Variants in TMEM178A observed in about 807,000 individuals in gnomAD.
The protein encoded by TMEM178A is transmembrane protein 178.
A neutral mutation model predicts 29.1 loss-of-function variants in TMEM178A; 12 were observed. That is an observed-to-expected ratio of 0.41 (90% confidence interval 0.26 to 0.67). The LOEUF (loss-of-function observed/expected upper bound fraction) is 0.67, where lower values mean the gene tolerates loss of function less well. TMEM178A is among the 30% of genes least tolerant of loss of function. The pLI is 0.29. For synonymous variants in TMEM178A, 210 were observed against 187.2 expected (o/e 1.12, Z -0.99); for missense variants, 366 against 419.1 (o/e 0.87, Z 1.11).
chr2:39,698,789 G>A (rs1671662461), intron 1 of TMEM178A, among the ~76,000 whole-genome samples: 1 of 151,882 alleles, frequency 6.6e-6, no homozygotes, highest in Admixed American at 6.6e-5. Flanking sequence ...TCTGGTCATG[G>A]AATTTTCTTT....
intron 1 of TMEM178A, among the ~76,000 whole-genome samples, chr2:39,673,054 A>G (rs1247251185): frequency 2.0e-5 from 3 of 152,248 alleles, no homozygotes; most frequent in Non-Finnish European, 4.4e-5. Context: ...TGTGCTCCAG[A>G]TAATCAGCTT....
intron 3 of TMEM178A, among the ~76,000 whole-genome samples, chr2:39,713,834 T>C (rs1156809110): frequency 6.6e-6 from 1 of 152,250 alleles, no homozygotes; most frequent in African/African-American, 2.4e-5. Context: ...AATCCAGCTA[T>C]AGTAAGAATG....
At chr2:39,733,617 T>C in the TMEM178A span, among the ~76,000 whole-genome samples, 1 of 152,210 alleles carries the variant, frequency 6.6e-6, no homozygotes, top group African/African-American at 2.4e-5. Context: ...CTTACATATT[T>C]ATTAGGAATA....
chr2:39,732,353 G>A, the TMEM178A span, among the ~76,000 whole-genome samples: 1 of 152,180 alleles, frequency 6.6e-6, no homozygotes, highest in African/African-American at 2.4e-5. Context: ...GAGTGTGGCA[G>A]GAAGCACACT....
intron 1 of TMEM178A, among the ~76,000 whole-genome samples, chr2:39,671,857 T>A (rs1670421905): frequency 6.6e-6 from 1 of 152,144 alleles, no homozygotes; most frequent in Non-Finnish European, 1.5e-5. Flanking sequence ...GGAGGAGGGA[T>A]TTTTCCTATC....
chr2:39,711,689 A>G (rs1672308830), intron 3 of TMEM178A, among the ~76,000 whole-genome samples: 1 of 152,148 alleles, frequency 6.6e-6, no homozygotes, highest in African/African-American at 2.4e-5. Flanking sequence ...GGTGTATTGA[A>G]TTATCTAGAT....
chr2:39,677,900 A>T (rs557794334), intron 1 of TMEM178A, among the ~76,000 whole-genome samples: 4 of 152,118 alleles, frequency 2.6e-5, no homozygotes, highest in African/African-American at 9.7e-5. Flanking sequence ...TAAAGCCACA[A>T]GGTATGTGGG....
chr2:39,681,937 A>G (rs1050408818), intron 1 of TMEM178A, among the ~76,000 whole-genome samples: 4 of 152,178 alleles, frequency 2.6e-5, no homozygotes, highest in Non-Finnish European at 2.9e-5. Context: ...AGGGAGAGGA[A>G]TAGGAACCCT....
chr2:39,700,573 G>A (rs1478696446), intron 1 of TMEM178A, among the ~76,000 whole-genome samples: 2 of 151,782 alleles, frequency 1.3e-5, no homozygotes, highest in African/African-American at 2.4e-5. Context: ...TTTAAACTGT[G>A]TCTCATGTAG....
At position 39,666,438 on chromosome 2, in the gene TMEM178A, A is replaced by G. The variant is rs963118620; in HGVS notation, c.400+64A>G. Reference sequence around the variant, plus strand: ...CGTGGAGCGCAGCCCGCGGCTTCCCAGGGGCGCGCCGGTCCCCGCAGCCCC... The same window carrying G: ...CGTGGAGCGCAGCCCGCGGCTTCCCGGGGGCGCGCCGGTCCCCGCAGCCCC... On this transcript the variant is annotated intron_variant, in intron 1 of 3. Transcript: ENST00000281961. The G allele has an allele frequency of 5.9e-5, 72 of 1,214,788 alleles. No homozygotes were observed. The African/African-American group carries it at 1.1e-3, about 18-fold the overall frequency. The allele number at this position is 1,214,788 out of a possible 1,614,324, so 75.3% of individuals were successfully genotyped here. A position where few individuals can be genotyped will look rare whatever the true frequency, so the allele number is the denominator to read the frequency against.
At chr2:39,680,406 A>T (rs1452219327) in intron 1 of TMEM178A, among the ~76,000 whole-genome samples, 1 of 152,218 alleles carries the variant, frequency 6.6e-6, no homozygotes, top group Non-Finnish European at 1.5e-5. Flanking sequence ...TTTGAATGTG[A>T]CATGCTTTCT....
rs147595746 is a variant in TMEM178A at position 39,684,374 on chromosome 2, C to T, written c.400+18000C>T. Among the ~76,000 whole-genome samples, 208 of 152,100 alleles carry T rather than the reference C, an allele frequency of 1.4e-3. 1 individual carries two copies. Among genetic ancestry groups the T allele is most frequent in the African/African-American group, 4.8e-3 (201 of 41,510 alleles). On this transcript the variant is annotated intron_variant, in intron 1 of 3. Transcript: ENST00000281961. Reference sequence around the variant, plus strand: ...GGAAAAAAATAATCTGTTATCCTGCCAGTTAGTTATATAAACCTGTTAAAA... The same window carrying T: ...GGAAAAAAATAATCTGTTATCCTGCTAGTTAGTTATATAAACCTGTTAAAA...
chr2:39,682,574 A>T (rs2148068351), intron 1 of TMEM178A, among the ~76,000 whole-genome samples: 1 of 152,250 alleles, frequency 6.6e-6, no homozygotes, highest in South Asian at 2.1e-4. Flanking sequence ...GTTGGGGCAA[A>T]TAGTTCCCAG....
chr2:39,708,989 G>A (rs1672184845), intron 3 of TMEM178A, among the ~76,000 whole-genome samples: 1 of 152,202 alleles, frequency 6.6e-6, no homozygotes, highest in Non-Finnish European at 1.5e-5. Flanking sequence ...CCCCGAGATA[G>A]ATAGCCATTT....
the TMEM178A span, among the ~76,000 whole-genome samples, chr2:39,735,040 T>C: frequency 6.6e-6 from 1 of 152,182 alleles, no homozygotes; most frequent in African/African-American, 2.4e-5. Flanking sequence ...TACAATCAAT[T>C]TGCAATATAG....
intron 3 of TMEM178A, among the ~76,000 whole-genome samples, chr2:39,707,798 C>T (rs1392028488): frequency 6.6e-6 from 1 of 152,222 alleles, no homozygotes; most frequent in Non-Finnish European, 1.5e-5. Context: ...TGCCCCAAAC[C>T]CTGGCCTGGA....
At chr2:39,727,101 C>T in the TMEM178A span, among the ~76,000 whole-genome samples, 23 of 152,276 alleles carry the variant, frequency 1.5e-4, 1 homozygote, top group South Asian at 4.4e-3. Context: ...CCGAGGTGTT[C>T]CAGAGAGTGG....
intron 1 of TMEM178A, among the ~76,000 whole-genome samples, chr2:39,685,711 A>G (rs753834953): frequency 5.9e-5 from 9 of 152,200 alleles, no homozygotes; most frequent in Non-Finnish European, 1.2e-4. Flanking sequence ...TTCCAATGAG[A>G]TAAACATTAT....
chr2:39,682,243 C>T (rs1670899008), intron 1 of TMEM178A, among the ~76,000 whole-genome samples: 1 of 152,146 alleles, frequency 6.6e-6, no homozygotes, highest in Admixed American at 6.5e-5. Context: ...CCTTCTGAAA[C>T]AGAGAGCGCT....
Sources: allele counts gnomAD v4.1 joint callset (sites outside exome capture counted in the v4.1 genomes callset), GRCh38; gene constraint gnomAD v4.1.1; transcripts MANE v1.5; gene names NCBI Gene and HGNC (gene_info 2026-07-23, HGNC 2026-07-21).